CDCA2: variants seen among roughly 807,000 people sequenced by gnomAD.
CDCA2 encodes the protein cell division cycle associated 2, also known as cell division cycle-associated protein 2.
Under a neutral mutation model 67.0 loss-of-function variants are expected in CDCA2, and 44 were observed. The observed-to-expected ratio is 0.66, with a 90% CI of 0.52 to 0.84. The LOEUF (loss-of-function observed/expected upper bound fraction) is 0.84. Among genes scored for constraint, CDCA2 ranks in the 40% least tolerant of loss-of-function variants. The probability of loss-of-function intolerance (pLI) is 0.00; values close to 1 mark genes in which losing one functional copy is unlikely to be tolerated. For synonymous variants in CDCA2, 447 were observed against 418.7 expected, an observed-to-expected ratio of 1.07 and a Z score of -0.82; for missense variants, 1,253 against 1,203.2, an observed-to-expected ratio of 1.04 and a Z score of -0.61.
intron 7 of CDCA2, among the ~76,000 whole-genome samples, chr8:25,478,886 G>GTATATA (rs772237376): frequency 5.7e-4 from 68 of 119,800 alleles, no homozygotes; most frequent in African/African-American, 1.7e-3. Context: ...TGTTGTGTGT[G>GTATATA]TGTATATATA....
chr8:25,503,790 A>G (rs1300799662), intron 14 of CDCA2, among the ~76,000 whole-genome samples: 2 of 152,216 alleles, frequency 1.3e-5, no homozygotes, highest in African/African-American at 4.8e-5. Flanking sequence ...AAACCGAGAC[A>G]CAAGATTTTG....
Position 25,466,195 on chromosome 8 carries a change from A to C in CDCA2, c.408A>C (p.Arg136=). The change falls in exon 5 of 15, where the codon CGA becomes CGC. Residue 136 remains arginine (R), a synonymous_variant. Transcript: ENST00000330560. ...SPSQGSPALY[R]NVNTLRERIS... is the part of the protein sequence containing the mutation. The stretch of plus-strand genomic sequence containing the variant: ...CACAGGGCAGCCCTGCACTGTATCG[A>C]AATGTTAACACTTTAAGAGAACGAA... 6.2e-7 allele frequency: 1 copy of C among 1,610,514 alleles called. No homozygotes were observed. Among genetic ancestry groups the C allele is most frequent in the Non-Finnish European group, 8.5e-7 (1 of 1,179,258 alleles).
chr8:25,477,401 G>T (rs1803392751), intron 7 of CDCA2, among the ~76,000 whole-genome samples: 1 of 152,054 alleles, frequency 6.6e-6, no homozygotes, highest in Non-Finnish European at 1.5e-5. Context: ...TTCGGTGCTT[G>T]GACCTTTTGT....
In CDCA2 at chr8:25,500,959, T is replaced by A. The variant is rs181925159; in HGVS notation, c.1672-2414T>A. ...AGTATCTGCCACCAGAGGCCATTTTTTTTATTTATTTATTTTTTGCAACTT... is the reference window on the plus strand; with the variant it reads ...AGTATCTGCCACCAGAGGCCATTTTATTTATTTATTTATTTTTTGCAACTT... On this transcript the variant is annotated intron_variant, in intron 13 of 14. Transcript: ENST00000330560. 1.6e-3 allele frequency among the ~76,000 whole-genome samples: 238 copies of A among 152,332 alleles called. 3 individuals carry two copies. Among genetic ancestry groups the A allele is most frequent in the African/African-American group, 4.8e-3 (198 of 41,582 alleles).
intron 13 of CDCA2, among the ~76,000 whole-genome samples, chr8:25,493,427 A>G (rs866102004): frequency 1.3e-5 from 2 of 152,210 alleles, no homozygotes; most frequent in South Asian, 4.1e-4. Context: ...GGTGAATTTG[A>G]TATCTTTTGA....
At chr8:25,470,282 G>A (rs2117491084) in intron 7 of CDCA2, among the ~76,000 whole-genome samples, 1 of 152,208 alleles carries the variant, frequency 6.6e-6, no homozygotes, top group South Asian at 2.1e-4. Flanking sequence ...ATTTTTATTT[G>A]TTTTTAAGCA....
chr8:25,466,075 ATG>A, intron 4 of CDCA2, 98 bp from the exon 5 acceptor site: 2 of 1,058,016 alleles, frequency 1.9e-6, no homozygotes, highest in Non-Finnish European at 2.7e-6. Flanking sequence ...CAAAAAGCAT[ATG>A]TGTACTGTAT....
chr8:25,506,764 AG>A lies in CDCA2; in HGVS notation c.2099del (p.Ser700MetfsTer18). ...TCCAAAAGCAAAAAATAAGTCAGAA[AG>A]TGAAAATGAACCAAAAGCTGGAACT... ...NIPKAKNKSE[S>X]ENEPKAGTDS... On this transcript the variant is annotated frameshift_variant, in exon 15 of 15. Coordinates refer to ENST00000330560, the MANE Select transcript of CDCA2 (RefSeq NM_152562.4). LOFTEE classifies it low-confidence loss of function (END_TRUNC). 1 of 1,613,686 alleles carries A rather than the reference AG, an allele frequency of 6.2e-7. No homozygotes were observed. Among genetic ancestry groups the A allele is most frequent in the Admixed American group, 1.7e-5 (1 of 59,940 alleles).
chr8:25,491,756 A>G (rs1271326375), intron 13 of CDCA2, among the ~76,000 whole-genome samples: 37 of 151,986 alleles, frequency 2.4e-4, no homozygotes. Context: ...AGCTGGGACT[A>G]CAGGTGCACG....
At chr8:25,467,065 A>AAAAAAAAAAC (rs1468639428) in intron 5 of CDCA2, among the ~76,000 whole-genome samples, 2 of 126,232 alleles carry the variant, frequency 1.6e-5, no homozygotes, top group East Asian at 2.4e-4. Context: ...AAAAAAAAAA[A>AAAAAAAAAAC]ACACACACAC....
At chr8:25,489,988 C>A (rs1003259475) in intron 13 of CDCA2, among the ~76,000 whole-genome samples, 38 of 152,130 alleles carry the variant, frequency 2.5e-4, no homozygotes, top group African/African-American at 8.0e-4. Flanking sequence ...AACTTCCTTC[C>A]CCCTCTATGA....
At chr8:25,478,290 A>G (rs952308792) in intron 7 of CDCA2, among the ~76,000 whole-genome samples, 2 of 152,124 alleles carry the variant, frequency 1.3e-5, no homozygotes, top group African/African-American at 4.8e-5. Flanking sequence ...TAGGTCTTCA[A>G]AATATGTCAA....
Position 25,469,990 on chromosome 8 carries a change from C to T in CDCA2, c.820+10C>T. ...ACAGAGACTTCAAATGGTAAGTAAT[C>T]TTTTCTTAGTACATGGCCAGTTGCC... is the stretch of plus-strand genomic sequence containing the variant. On this transcript the variant is annotated intron_variant, in intron 7 of 14. Transcript: ENST00000330560. 2 of 1,568,602 alleles carry T rather than the reference C, an allele frequency of 1.3e-6. No individual in the cohort carries two copies. Among genetic ancestry groups the T allele is most frequent in the Non-Finnish European group, 1.8e-6 (2 of 1,140,386 alleles).
Position 25,507,263 on chromosome 8 carries a change from A to C in CDCA2, c.2597A>C (p.Asn866Thr), listed in dbSNP as rs749771776. ...VGSSVEISLE[N>T]SELFKDLSDA... Reference sequence around the variant, plus strand: ...AGCTCTGTAGAAATTAGTTTAGAAAATTCTGAACTGTTTAAAGATTTGTCT... The same window carrying C: ...AGCTCTGTAGAAATTAGTTTAGAAACTTCTGAACTGTTTAAAGATTTGTCT... The change falls in exon 15 of 15, where the codon AAT becomes ACT. Residue 866 changes from asparagine to threonine, a missense_variant. Coordinates refer to ENST00000330560, the MANE Select transcript of CDCA2 (RefSeq NM_152562.4). The C allele has an allele frequency of 4.3e-6, 7 of 1,614,008 alleles. No homozygotes were observed. Among genetic ancestry groups the C allele is most frequent in the Non-Finnish European group, 5.9e-6 (7 of 1,180,022 alleles).
At chr8:25,483,823 A>C in intron 9 of CDCA2, 143 bp from the exon 10 acceptor site, 1 of 740,280 alleles carries the variant, frequency 1.4e-6, no homozygotes, top group Non-Finnish European at 2.1e-6. Flanking sequence ...TGCTCTACCA[A>C]CAATTATTTT....
intron 10 of CDCA2, 68 bp from the exon 11 acceptor site, chr8:25,485,691 T>A: frequency 1.2e-6 from 1 of 829,306 alleles, no homozygotes; most frequent in South Asian, 1.7e-5. Flanking sequence ...ATTCTTACTC[T>A]TCTTTTGGGC....
At chr8:25,488,415 A>C (rs1803864806) in intron 12 of CDCA2, 137 bp from the exon 13 acceptor site, 1 of 697,222 alleles carries the variant, frequency 1.4e-6, no homozygotes, top group South Asian at 4.1e-5. Context: ...AAGTGCTTTT[A>C]ATAAGGTTTG....
chr8:25,483,350 C>T, intron 8 of CDCA2, 49 bp from the exon 9 acceptor site: 2 of 1,231,774 alleles, frequency 1.6e-6, no homozygotes, highest in Non-Finnish European at 2.3e-6. Flanking sequence ...ATGATGACGT[C>T]TATGTATTTC....
At chr8:25,494,933 C>A (rs1156667024) in intron 13 of CDCA2, among the ~76,000 whole-genome samples, 2 of 152,108 alleles carry the variant, frequency 1.3e-5, no homozygotes, top group African/African-American at 2.4e-5. Context: ...ATCTGAAGGC[C>A]AAGGAGAGAG....
Sources: gnomAD v4.1 joint callset for allele counts (sites outside exome capture counted in the v4.1 genomes callset) on GRCh38, gnomAD v4.1.1 for gene constraint, MANE v1.5 for transcripts, NCBI Gene and HGNC (gene_info 2026-07-23, HGNC 2026-07-21) for gene names.